Variants in PIEZO1 observed in about 807,000 individuals in gnomAD.
PIEZO1 encodes piezo type mechanosensitive ion channel component 1 (Er blood group), also known as piezo-type mechanosensitive ion channel component 1.
A neutral mutation model predicts 297.2 loss-of-function variants in PIEZO1; 296 were observed. That is an observed-to-expected ratio of 1.00 (90% CI 0.91 to 1.10). PIEZO1 has a LOEUF of 1.10. Among genes scored for constraint, PIEZO1 ranks in the 50% least tolerant of loss-of-function variants. The pLI, the probability that PIEZO1 is intolerant of heterozygous loss-of-function variation, is 0.00. For missense variants in PIEZO1, 5,018 were observed against 3,455.5 expected (o/e 1.45, Z -11.34); for synonymous variants, 2,427 against 1,507.5 (o/e 1.61, Z -14.13).
intron 1 of PIEZO1, among the ~76,000 whole-genome samples, chr16:88,762,482 C>T (rs1381699149): frequency 6.6e-6 from 1 of 152,194 alleles, no homozygotes; most frequent in Non-Finnish European, 1.5e-5. Context: ...GGCAGGACCC[C>T]CTCCAGCCCC....
At chr16:88,752,901 C>T (rs973104556) in intron 1 of PIEZO1, among the ~76,000 whole-genome samples, 1 of 150,974 alleles carries the variant, frequency 6.6e-6, no homozygotes, top group Admixed American at 6.6e-5. Flanking sequence ...TTCATCCATT[C>T]ATTCATTCAT....
chr16:88,716,970 T>C (rs894013384), intron 45 of PIEZO1, 53 bp downstream of exon 45: 17 of 1,546,828 alleles, frequency 1.1e-5, no homozygotes, highest in Non-Finnish European at 1.5e-5. Flanking sequence ...TGCACCACCT[T>C]GGCCAGAACC....
At chr16:88,737,354 G>T (rs1905289751) in intron 10 of PIEZO1, 1 of 546,924 alleles carries the variant, frequency 1.8e-6, no homozygotes. Context: ...GGGTCTTGGG[G>T]GTTGGTCAGT....
rs781367446 is a variant in PIEZO1 at position 88,737,685 on chromosome 16, G to T, written c.1108-39C>A. 2.0e-6 allele frequency: 3 copies of T among 1,532,436 alleles called. No homozygotes were observed. The Admixed American group carries it at 5.9e-5, about 30-fold the overall frequency. The allele number at this position is 1,532,436 out of a possible 1,614,324, so 94.9% of individuals were successfully genotyped here. The stretch of plus-strand genomic sequence containing the variant: ...GCGCTGAGCCATGCACGGGCTGGCC[G>T]GGCGCCCCCCACGCTGGCGTCTCCA... On this transcript the variant is annotated intron_variant, in intron 9 of 50. Coordinates refer to ENST00000301015, the MANE Select transcript of PIEZO1 (RefSeq NM_001142864.4).
At chr16:88,746,354 G>T (rs1906056545) in intron 2 of PIEZO1, among the ~76,000 whole-genome samples, 1 of 152,164 alleles carries the variant, frequency 6.6e-6, no homozygotes, top group Admixed American at 6.5e-5. Flanking sequence ...CCTAAGGCAG[G>T]ATGGGGCTTC....
chr16:88,725,038 C>G lies in PIEZO1; in HGVS notation c.4205G>C (p.Trp1402Ser). 2 of 1,499,766 alleles carry G rather than the reference C, an allele frequency of 1.3e-6. No individual in the cohort carries two copies. 92.9% of individuals were successfully genotyped at this position (1,499,766 alleles called of 1,614,324 possible). ...PGGSSPPRRQ[W>S]WRPWLDHATV... Reference sequence around the variant, plus strand: ...GGCGTGGTCCAGCCAGGGCCGCCACCACTGCCTCCGTGGCGGGGAGGAGCC... The same window carrying G: ...GGCGTGGTCCAGCCAGGGCCGCCACGACTGCCTCCGTGGCGGGGAGGAGCC... The change falls in exon 30 of 51, where the codon TGG (tryptophan) becomes TCG (serine). Residue 1402 changes from tryptophan to serine, a missense_variant. Coordinates refer to ENST00000301015, the MANE Select transcript of PIEZO1 (RefSeq NM_001142864.4).
rs745637326 is a variant in PIEZO1 at position 88,722,710 on chromosome 16, C to T, written c.4669-21G>A. The stretch of plus-strand genomic sequence containing the variant: ...CCGCCCTGCAGGGCACAGCAGGGGG[C>T]TCAGGGCTGCGTCCAGCTCTTGTCC... On this transcript the variant is annotated intron_variant, in intron 34 of 50. Transcript: ENST00000301015. 8.5e-6 allele frequency: 13 copies of T among 1,532,914 alleles called. No individual in the cohort carries two copies. In the South Asian group the frequency reaches 1.5e-4, roughly 18 times the overall value. 95.0% of individuals were successfully genotyped at this position (1,532,914 alleles called of 1,614,324 possible). A position where few individuals can be genotyped will look rare whatever the true frequency, so the allele number is the denominator to read the frequency against.
At chr16:88,781,208 G>A (rs1907919610) in intron 1 of PIEZO1, among the ~76,000 whole-genome samples, 1 of 152,190 alleles carries the variant, frequency 6.6e-6, no homozygotes, top group African/African-American at 2.4e-5. Context: ...CAAATGCACT[G>A]CCGAGTCAGC....
chr16:88,772,029 G>A (rs1203895344), intron 1 of PIEZO1, among the ~76,000 whole-genome samples: 3 of 96,654 alleles, frequency 3.1e-5, no homozygotes, highest in African/African-American at 1.5e-4. Context: ...GCCCTCCTGA[G>A]ACTCTATGCC....
At chr16:88,774,374 G>C (rs1020487320) in intron 1 of PIEZO1, among the ~76,000 whole-genome samples, 2 of 152,266 alleles carry the variant, frequency 1.3e-5, no homozygotes, top group Non-Finnish European at 2.9e-5. Flanking sequence ...TTGGGCGACA[G>C]AGCGAGACTC....
At chr16:88,757,001 A>G (rs1413077391) in intron 1 of PIEZO1, among the ~76,000 whole-genome samples, 13 of 150,370 alleles carry the variant, frequency 8.6e-5, no homozygotes, top group Admixed American at 5.3e-4. Context: ...GCGTGAACCC[A>G]GGAGATGGAG....
chr16:88,731,666 G>A (rs1904817587), intron 22 of PIEZO1, 40 bp downstream of exon 22: 1 of 1,498,384 alleles, frequency 6.7e-7, no homozygotes, highest in Non-Finnish European at 9.1e-7. Flanking sequence ...CATCCACAAA[G>A]CCACAAAGCC....
chr16:88,725,825 C>G lies in PIEZO1; in HGVS notation c.3969-141G>C, dbSNP rs183727113. On this transcript the variant is annotated intron_variant, in intron 27 of 50. Coordinates refer to ENST00000301015, the MANE Select transcript of PIEZO1 (RefSeq NM_001142864.4). ...GGACAAGAGGCACCCACGGGGGAGG[C>G]ATCTGCTGCCCCCACCCTCCGTGCT... is the stretch of plus-strand genomic sequence containing the variant. 1.2e-4 allele frequency: 74 copies of G among 625,328 alleles called. 1 individual carries two copies. The highest frequency in any genetic ancestry group is 1.3e-4 in the Non-Finnish European group (43 of 342,500). 38.7% of individuals were successfully genotyped at this position (625,328 alleles called of 1,614,324 possible).
intron 5 of PIEZO1, chr16:88,739,066 C>G: frequency 3.0e-6 from 1 of 331,384 alleles, no homozygotes; most frequent in Non-Finnish European, 5.6e-6. Flanking sequence ...TATACCACCT[C>G]ATCTCCCCGA....
Position 88,749,613 on chromosome 16 carries a change from C to T in PIEZO1, c.65-134G>A, listed in dbSNP as rs938309930. 5 of 652,770 alleles carry T rather than the reference C, an allele frequency of 7.7e-6. No homozygotes were observed. In the East Asian group the frequency reaches 1.6e-4, roughly 21 times the overall value. The allele number at this position is 652,770 out of a possible 1,614,324, so 40.4% of individuals were successfully genotyped here. On this transcript the variant is annotated intron_variant, in intron 1 of 50. Coordinates refer to ENST00000301015, the MANE Select transcript of PIEZO1 (RefSeq NM_001142864.4). ...CTGTGAGTGCTGCCCTGAGCCAGAG[C>T]CGTGGAAGCCGCCTCGCGCTTCCGT...
At position 88,725,649 on chromosome 16, in the gene PIEZO1, C is replaced by T. The variant is rs1279081877; in HGVS notation, c.4004G>A (p.Ser1335Asn). ...FALYNAANLK[S>N]IDFHRRIEEK... ...CTCTATCCTGCGGTGAAAGTCAATG[C>T]TCTTGAGGTTGGCAGCGTTGTAGAG... is the stretch of plus-strand genomic sequence containing the variant. Residue 1335 changes from serine to asparagine, a missense_variant, in exon 28 of 51, where the codon AGC (serine) becomes AAC (asparagine). By Grantham distance (46) the Ser-to-Asn change is conservative. Coordinates refer to ENST00000301015, the MANE Select transcript of PIEZO1 (RefSeq NM_001142864.4). 21 of 1,549,340 alleles carry T rather than the reference C, an allele frequency of 1.4e-5. No homozygotes were observed. The Admixed American group carries it at 3.1e-4, about 23-fold the overall frequency.
chr16:88,734,756 A>C lies in PIEZO1; in HGVS notation c.1891T>G (p.Trp631Gly). ...LWRKLLKAFW[W>G]LVVAYTMLVL... Reference sequence around the variant, plus strand: ...AGCATGGTGTAGGCCACCACGAGCCACCAGAAGGCCTTGAGCAGCTTCCGC... The same window carrying C: ...AGCATGGTGTAGGCCACCACGAGCCCCCAGAAGGCCTTGAGCAGCTTCCGC... The change falls in exon 15 of 51, where the codon TGG becomes GGG. Residue 631 changes from tryptophan to glycine, a missense_variant. Coordinates refer to ENST00000301015, the MANE Select transcript of PIEZO1 (RefSeq NM_001142864.4). The C allele has an allele frequency of 6.5e-7, 1 of 1,550,310 alleles. No individual in the cohort carries two copies. Among genetic ancestry groups the C allele is most frequent in the Non-Finnish European group, 8.7e-7 (1 of 1,146,898 alleles).
In PIEZO1 at chr16:88,720,670, G is replaced by T; in HGVS notation, c.5747C>A (p.Ser1916Tyr). 1 of 1,547,524 alleles carries T rather than the reference G, an allele frequency of 6.5e-7. No individual in the cohort carries two copies. The highest frequency in any genetic ancestry group is 1.2e-5 in the South Asian group (1 of 83,778). Residue 1916 changes from serine to tyrosine, a missense_variant, in exon 40 of 51, where the codon TCT becomes TAT. Ser to Tyr is a moderately radical substitution (Grantham distance 144). Coordinates refer to ENST00000301015, the MANE Select transcript of PIEZO1 (RefSeq NM_001142864.4). ...CCCGGCCGCCCTTACTCTTCCTCCA[G>T]AGCGGCTTGGCCTCTTCTCTCTCCC... Reference protein sequence around the residue: ...PTGREKRPSRSGGRVRAAGRR... With the variant: ...PTGREKRPSRYGGRVRAAGRR...
Position 88,749,431 on chromosome 16 carries a change from A to T in PIEZO1, c.113T>A (p.Leu38Gln). Reference sequence around the variant, plus strand: ...GCCGGGGAACCAGGGCAGCAGCAGCAGGAAGAGCAGGTAGACCAGCGAGAG... The same window carrying T: ...GCCGGGGAACCAGGGCAGCAGCAGCTGGAAGAGCAGGTAGACCAGCGAGAG... Reference protein sequence around the residue: ...SGLSLVYLLFLLLLPWFPGPT... With the variant: ...SGLSLVYLLFQLLLPWFPGPT... Residue 38 changes from leucine (L) to glutamine (Q), a missense_variant, in exon 2 of 51, where the codon CTG becomes CAG. Physicochemically the swap from Leu to Gln is moderately radical, Grantham distance 113 (BLOSUM62 -2). Coordinates refer to ENST00000301015, the MANE Select transcript of PIEZO1 (RefSeq NM_001142864.4). The T allele has an allele frequency of 5.3e-6, 8 of 1,523,366 alleles. No homozygotes were observed. Among genetic ancestry groups the T allele is most frequent in the Non-Finnish European group, 7.0e-6 (8 of 1,141,876 alleles). 94.4% of individuals were successfully genotyped at this position (1,523,366 alleles called of 1,614,324 possible).
Sources: gnomAD v4.1 joint callset for allele counts (sites outside exome capture counted in the v4.1 genomes callset) on GRCh38, gnomAD v4.1.1 for gene constraint, MANE v1.5 for transcripts, NCBI Gene and HGNC (gene_info 2026-07-23, HGNC 2026-07-21) for gene names.